Variants in THSD7B observed in about 807,000 individuals in gnomAD.
The protein encoded by THSD7B is thrombospondin type-1 domain-containing protein 7B.
THSD7B carries 138 observed loss-of-function variants against 213.6 expected under a neutral mutation model. The observed-to-expected ratio is 0.65, with a 90% CI of 0.56 to 0.74. The LOEUF (loss-of-function observed/expected upper bound fraction) is 0.74. Ranked by LOEUF, THSD7B falls within the 30% of genes least tolerant of loss-of-function variation. The pLI is 0.00. For missense variants in THSD7B, 1,931 were observed against 1,991.5 expected (o/e 0.97, Z 0.58); for synonymous variants, 742 against 687.0 (o/e 1.08, Z -1.25).
chr2:137,185,272 AT>A (rs1444424945), intron 7 of THSD7B, among the ~76,000 whole-genome samples: 1 of 151,612 alleles, frequency 6.6e-6, no homozygotes, highest in African/African-American at 2.4e-5. Context: ...TTTATTTTAG[AT>A]TCTGGGGGTA....
chr2:136,991,365 A>G (rs951038354), intron 2 of THSD7B, among the ~76,000 whole-genome samples: 2 of 152,200 alleles, frequency 1.3e-5, no homozygotes, highest in Non-Finnish European at 2.9e-5. Flanking sequence ...GTAAGAAATT[A>G]AATAAAAATA....
intron 16 of THSD7B, among the ~76,000 whole-genome samples, chr2:137,567,667 G>A (rs1365763540): frequency 6.6e-6 from 1 of 152,178 alleles, no homozygotes; most frequent in Non-Finnish European, 1.5e-5. Flanking sequence ...GGGAAAAAAG[G>A]AAGCCTCAAA....
At chr2:137,414,981 C>A (rs1041997072) in intron 14 of THSD7B, among the ~76,000 whole-genome samples, 2 of 145,994 alleles carry the variant, frequency 1.4e-5, no homozygotes, top group Non-Finnish European at 3.0e-5. Flanking sequence ...ACTTGAACTT[C>A]GTAGGCGGAA....
intron 12 of THSD7B, among the ~76,000 whole-genome samples, chr2:137,325,031 C>G (rs1273170251): frequency 2.0e-5 from 3 of 152,140 alleles, no homozygotes; most frequent in Non-Finnish European, 4.4e-5. Context: ...GTGGTTTTGC[C>G]ATAGGCATTG....
chr2:137,087,379 A>G (rs2104910425), intron 3 of THSD7B, among the ~76,000 whole-genome samples: 1 of 152,276 alleles, frequency 6.6e-6, no homozygotes, highest in East Asian at 1.9e-4. Context: ...GCCTGTCGCT[A>G]TTTGCCGATG....
chr2:137,278,999 T>G (rs1320430823), intron 12 of THSD7B, among the ~76,000 whole-genome samples: 2 of 152,034 alleles, frequency 1.3e-5, no homozygotes, highest in Non-Finnish European at 2.9e-5. Context: ...TGTTGAGAGT[T>G]TAGTGAAGGG....
At chr2:136,858,797 A>G (rs1436019489) in intron 1 of THSD7B, among the ~76,000 whole-genome samples, 1 of 152,204 alleles carries the variant, frequency 6.6e-6, no homozygotes, top group East Asian at 1.9e-4. Flanking sequence ...AAAAAAACTT[A>G]AGCAGACGTC....
At chr2:137,548,942 C>T (rs1680790224) in intron 15 of THSD7B, among the ~76,000 whole-genome samples, 1 of 151,900 alleles carries the variant, frequency 6.6e-6, no homozygotes, top group Non-Finnish European at 1.5e-5. Flanking sequence ...ATATATTGAG[C>T]AAGGCAACAG....
chr2:137,401,601 A>C (rs1456520223), intron 12 of THSD7B, among the ~76,000 whole-genome samples: 6 of 149,934 alleles, frequency 4.0e-5, no homozygotes, highest in Admixed American at 2.0e-4. Context: ...TGATGATTGC[A>C]TGATCTGTAG....
intron 1 of THSD7B, among the ~76,000 whole-genome samples, chr2:136,774,467 A>G (rs534506996): frequency 2.6e-5 from 4 of 152,222 alleles, no homozygotes; most frequent in South Asian, 2.1e-4. Context: ...ACATGCTTCA[A>G]TTGAAAAAAC....
chr2:136,835,492 G>A (rs59515538), intron 1 of THSD7B, among the ~76,000 whole-genome samples: 1 of 152,132 alleles, frequency 6.6e-6, no homozygotes, highest in Non-Finnish European at 1.5e-5. Context: ...ATATTTTTTA[G>A]TTGTGAGGAG....
chr2:137,296,335 T>G (rs959918875), intron 12 of THSD7B, among the ~76,000 whole-genome samples: 8 of 152,160 alleles, frequency 5.3e-5, no homozygotes, highest in Non-Finnish European at 2.9e-5. Context: ...CTTAAAAATT[T>G]TATATGCTAC....
intron 12 of THSD7B, among the ~76,000 whole-genome samples, chr2:137,300,948 C>T (rs2104846009): frequency 6.6e-6 from 1 of 152,230 alleles, no homozygotes; most frequent in Non-Finnish European, 1.5e-5. Flanking sequence ...CCCTTTGGTG[C>T]TGGCATGATG....
At chr2:137,405,525 C>A in intron 12 of THSD7B, 88 bp from the exon 13 acceptor site, 1 of 1,288,400 alleles carries the variant, frequency 7.8e-7, no homozygotes, top group Non-Finnish European at 1.1e-6. Context: ...AGTTTTTAAA[C>A]ATTGGGGGAT....
At chr2:137,456,465 G>A (rs1331819691) in intron 15 of THSD7B, among the ~76,000 whole-genome samples, 6 of 152,174 alleles carry the variant, frequency 3.9e-5, no homozygotes, top group Admixed American at 3.9e-4. Context: ...ATTTAATTTG[G>A]TTTTATCAGT....
intron 2 of THSD7B, among the ~76,000 whole-genome samples, chr2:136,965,674 C>T (rs7566101): frequency 0.14 from 21,997 of 152,048 alleles, 2,181 homozygotes; most frequent in East Asian, 0.42. Flanking sequence ...TGTTAGTCTC[C>T]CTCCTACTAT....
At chr2:137,311,717 G>A (rs557520104) in intron 12 of THSD7B, among the ~76,000 whole-genome samples, 5 of 151,566 alleles carry the variant, frequency 3.3e-5, no homozygotes, top group Admixed American at 2.0e-4. Flanking sequence ...TAGCATGAAG[G>A]GTTGTTGAAT....
At chr2:137,471,192 A>G (rs1350198835) in intron 15 of THSD7B, among the ~76,000 whole-genome samples, 1 of 152,102 alleles carries the variant, frequency 6.6e-6, no homozygotes, top group Non-Finnish European at 1.5e-5. Flanking sequence ...AAGTGCTGCA[A>G]TTATAGGTGT....
intron 7 of THSD7B, among the ~76,000 whole-genome samples, chr2:137,214,550 T>A (rs375171344): frequency 1.4e-4 from 21 of 152,194 alleles, no homozygotes; most frequent in African/African-American, 4.6e-4. Context: ...GTCATCTGTA[T>A]TAGGTATTTC....
Sources: allele counts gnomAD v4.1 joint callset (sites outside exome capture counted in the v4.1 genomes callset), GRCh38; gene constraint gnomAD v4.1.1; transcripts MANE v1.5; gene names NCBI Gene and HGNC (gene_info 2026-07-23, HGNC 2026-07-21).